The following ADAM7 variants were observed in gnomAD, a reference collection of about 807,000 sequenced individuals.
ADAM7 encodes the protein disintegrin and metalloproteinase domain-containing protein 7.
ADAM7 carries 97 observed loss-of-function variants against 102.9 expected under a neutral mutation model. That is an observed-to-expected ratio of 0.94 (90% CI 0.80 to 1.12). The LOEUF (loss-of-function observed/expected upper bound fraction) is 1.12. Ranked by LOEUF, ADAM7 falls within the 50% of genes most tolerant of loss-of-function variation. The probability of loss-of-function intolerance (pLI) is 0.00; values close to 1 mark genes in which losing one functional copy is unlikely to be tolerated. For missense variants in ADAM7, 991 were observed against 908.7 expected (o/e 1.09, Z -1.16); for synonymous variants, 334 against 304.4 (o/e 1.10, Z -1.01).
chr8:24,494,656 G>A (rs1266905743), intron 16 of ADAM7, among the ~76,000 whole-genome samples: 4 of 152,188 alleles, frequency 2.6e-5, no homozygotes, highest in Non-Finnish European at 5.9e-5. Flanking sequence ...AAATTCTAAT[G>A]AGGAAATTCA....
At chr8:24,468,107 T>G (rs1819490444) in intron 6 of ADAM7, among the ~76,000 whole-genome samples, 2 of 151,872 alleles carry the variant, frequency 1.3e-5, no homozygotes, top group African/African-American at 4.8e-5. Flanking sequence ...AAAAGATCTA[T>G]GATTAGCAAA....
intron 3 of ADAM7, among the ~76,000 whole-genome samples, chr8:24,460,026 T>C (rs1392937863): frequency 6.6e-6 from 1 of 152,168 alleles, no homozygotes; most frequent in Non-Finnish European, 1.5e-5. Flanking sequence ...ATTTCTTCTT[T>C]GAGTCATGAA....
At chr8:24,470,176 C>A (rs1005317329) in intron 7 of ADAM7, among the ~76,000 whole-genome samples, 1 of 152,074 alleles carries the variant, frequency 6.6e-6, no homozygotes, top group Non-Finnish European at 1.5e-5. Context: ...ACAAACAGAG[C>A]ATACGTTTTA....
chr8:24,471,373 T>C (rs535037924), intron 7 of ADAM7, among the ~76,000 whole-genome samples: 5 of 152,036 alleles, frequency 3.3e-5, no homozygotes, highest in Non-Finnish European at 7.4e-5. Flanking sequence ...TAGGCCTTTA[T>C]GTTCACTCAC....
At chr8:24,471,679 AAAG>A (rs962540998) in intron 7 of ADAM7, among the ~76,000 whole-genome samples, 6 of 152,098 alleles carry the variant, frequency 3.9e-5, no homozygotes, top group African/African-American at 1.4e-4. Context: ...ATGTTTGCAC[AAAG>A]AAGAAATCAC....
intron 3 of ADAM7, among the ~76,000 whole-genome samples, chr8:24,458,311 T>TTATA (rs1819114365): frequency 6.6e-6 from 1 of 152,208 alleles, no homozygotes; most frequent in South Asian, 2.1e-4. Context: ...AGTATTCACG[T>TTATA]TATAACTCAT....
At chr8:24,490,441 T>C (rs917768788) in intron 12 of ADAM7, 1 of 166,262 alleles carries the variant, frequency 6.0e-6, no homozygotes, top group African/African-American at 2.4e-5. Flanking sequence ...GAGCAAAAGG[T>C]AAAATCAGAT....
chr8:24,504,727 A>AT (rs1563399850), intron 20 of ADAM7, among the ~76,000 whole-genome samples: 3 of 152,000 alleles, frequency 2.0e-5, no homozygotes, highest in African/African-American at 7.3e-5. Context: ...AAGCCTTGTG[A>AT]TTTTTACTGC....
At chr8:24,463,533 T>A (rs1003707034) in intron 3 of ADAM7, among the ~76,000 whole-genome samples, 1 of 152,200 alleles carries the variant, frequency 6.6e-6, no homozygotes, top group East Asian at 1.9e-4. Context: ...TCTTATGATG[T>A]GATGAATATA....
Position 24,489,473 on chromosome 8 carries a change from T to C in ADAM7, c.1266+140T>C, listed in dbSNP as rs1477403921. 3 of 795,554 alleles carry C rather than the reference T, an allele frequency of 3.8e-6. No homozygotes were observed. The African/African-American group carries it at 5.3e-5, about 14-fold the overall frequency. 49.3% of individuals were successfully genotyped at this position (795,554 alleles called of 1,614,324 possible). A position where few individuals can be genotyped will look rare whatever the true frequency, so the allele number is the denominator to read the frequency against. On this transcript the variant is annotated intron_variant, in intron 12 of 21. Transcript: ENST00000175238. ...ATTTTGCTTTCCATTTTTATTTTGA[T>C]TTTATAAAACAAATTATTGGTGCAG...
At chr8:24,508,328 G>A (rs771806718) in intron 21 of ADAM7, among the ~76,000 whole-genome samples, 9 of 152,046 alleles carry the variant, frequency 5.9e-5, no homozygotes, top group Non-Finnish European at 1.0e-4. Flanking sequence ...ATCCCATAAT[G>A]GAAAACAAAA....
At chr8:24,454,722 T>C (rs190936907) in intron 3 of ADAM7, among the ~76,000 whole-genome samples, 74 of 152,266 alleles carry the variant, frequency 4.9e-4, no homozygotes, top group African/African-American at 1.7e-3. Context: ...CAGATGGAAA[T>C]GCAGAAATCA....
intron 3 of ADAM7, among the ~76,000 whole-genome samples, chr8:24,447,931 T>G (rs928980277): frequency 8.1e-6 from 1 of 123,784 alleles, no homozygotes; most frequent in Non-Finnish European, 1.7e-5. Context: ...TAAAAGTAAA[T>G]AACAAAACAC....
At chr8:24,481,425 C>T (rs981779439) in intron 8 of ADAM7, among the ~76,000 whole-genome samples, 1 of 152,142 alleles carries the variant, frequency 6.6e-6, no homozygotes, top group African/African-American at 2.4e-5. Flanking sequence ...TCATTCACTT[C>T]CTTTCAACCT....
At chr8:24,457,624 T>G (rs1446045217) in intron 3 of ADAM7, among the ~76,000 whole-genome samples, 1 of 152,208 alleles carries the variant, frequency 6.6e-6, no homozygotes, top group African/African-American at 2.4e-5. Context: ...TGTTCCTGTC[T>G]GTGACCTTTT....
At chr8:24,441,864 G>C (rs1218061090) in intron 1 of ADAM7, among the ~76,000 whole-genome samples, 5 of 152,138 alleles carry the variant, frequency 3.3e-5, no homozygotes, top group Admixed American at 2.0e-4. Context: ...CCAGAGGTTG[G>C]CATGAGGATA....
intron 3 of ADAM7, among the ~76,000 whole-genome samples, chr8:24,454,607 G>A (rs1010898157): frequency 5.9e-5 from 9 of 152,114 alleles, no homozygotes; most frequent in East Asian, 1.9e-4. Flanking sequence ...TGCGCTTCCC[G>A]GGGTGAGGCA....
chr8:24,449,407 C>T (rs11984638), intron 3 of ADAM7, among the ~76,000 whole-genome samples: 21,733 of 152,130 alleles, frequency 0.14, 1,731 homozygotes, highest in Non-Finnish European at 0.19. Context: ...TGGCCAGTGA[C>T]GGTGAGCATT....
intron 3 of ADAM7, among the ~76,000 whole-genome samples, chr8:24,454,192 A>C (rs575890177): frequency 6.6e-6 from 1 of 152,364 alleles, no homozygotes; most frequent in South Asian, 2.1e-4. Flanking sequence ...GCTGTCAGAC[A>C]GGGACATTTA....
Sources: gnomAD v4.1 joint callset for allele counts (sites outside exome capture counted in the v4.1 genomes callset) on GRCh38, gnomAD v4.1.1 for gene constraint, MANE v1.5 for transcripts, NCBI Gene and HGNC (gene_info 2026-07-23, HGNC 2026-07-21) for gene names.